Variants in MCF2L observed in about 807,000 individuals in gnomAD.
MCF2L encodes guanine nucleotide exchange factor DBS.
Under a neutral mutation model 153.4 loss-of-function variants are expected in MCF2L, and 97 were observed. The ratio of observed to expected loss-of-function variants is 0.63; its 90% CI spans 0.54 to 0.75. The LOEUF (loss-of-function observed/expected upper bound fraction) is 0.75, where lower values mean the gene tolerates loss of function less well. Ranked by LOEUF, MCF2L falls within the 30% of genes least tolerant of loss-of-function variation. The pLI is 0.00. For synonymous variants in MCF2L, 659 were observed against 632.2 expected (o/e 1.04, Z -0.64); for missense variants, 1,347 against 1,495.2 (o/e 0.90, Z 1.64).
intron 2 of MCF2L, among the ~76,000 whole-genome samples, chr13:113,021,559 C>T (rs181939475): frequency 4.6e-5 from 7 of 152,264 alleles, no homozygotes; most frequent in South Asian, 2.1e-4. Context: ...AGAGGAGCTT[C>T]GGAGCCCTCT....
At chr13:113,077,764 G>A (rs1365390646) in intron 13 of MCF2L, among the ~76,000 whole-genome samples, 3 of 152,108 alleles carry the variant, frequency 2.0e-5, no homozygotes, top group Non-Finnish European at 4.4e-5. Flanking sequence ...AGACTTTCCC[G>A]CCACCTCTGT....
chr13:113,045,125 C>T lies in MCF2L; in HGVS notation c.279-146C>T. On this transcript the variant is annotated intron_variant, in intron 3 of 29. Transcript: ENST00000535094. This position sits in a 1 kb window ranked among gnomAD's most constrained non-coding sequence, Gnocchi z 4.2. ...TGCGGGGATGGGGCTGCCGGGGCCC[C>T]CGTGTGCCATGCCTCTCACCTGGTA... 1 of 924,044 alleles carries T rather than the reference C, an allele frequency of 1.1e-6. No homozygotes were observed. Among genetic ancestry groups the T allele is most frequent in the Admixed American group, 2.0e-5 (1 of 50,774 alleles). The allele number at this position is 924,044 out of a possible 1,614,324, so 57.2% of individuals were successfully genotyped here. A position where few individuals can be genotyped will look rare whatever the true frequency, so the allele number is the denominator to read the frequency against.
At chr13:113,017,192 C>T (rs2084584348) in intron 2 of MCF2L, among the ~76,000 whole-genome samples, 1 of 152,258 alleles carries the variant, frequency 6.6e-6, no homozygotes, top group Non-Finnish European at 1.5e-5. Flanking sequence ...GCTGCGCCTG[C>T]ACTCCGGGTT....
chr13:112,996,608 C>T (rs1008641407), intron 1 of MCF2L, among the ~76,000 whole-genome samples: 4 of 152,230 alleles, frequency 2.6e-5, no homozygotes, highest in South Asian at 2.1e-4. Flanking sequence ...CTTTTCTCCA[C>T]GGCATCCTGC....
Position 113,089,713 on chromosome 13 carries a change from C to G in MCF2L, c.2938C>G (p.Pro980Ala). Residue 980 changes from proline (P) to alanine (A), a missense_variant, in exon 26 of 30, where the codon CCC becomes GCC. Around this residue, in one of 3 missense-constraint regions of MCF2L, gnomAD observed 383 missense variants for 335.4 expected, o/e 1.14. Coordinates refer to ENST00000535094, the MANE Select transcript of MCF2L (RefSeq NM_001112732.3). Reference protein sequence around the residue: ...YVSSAPLTKPPEKGKGWSKTS... With the variant: ...YVSSAPLTKPAEKGKGWSKTS... ...CAGCTCAGCGCCACTGACAAAGCCCCCCGAAAAGGGCAAAGGTGGGTATGT... is the reference window on the plus strand; with the variant it reads ...CAGCTCAGCGCCACTGACAAAGCCCGCCGAAAAGGGCAAAGGTGGGTATGT... The G allele has an allele frequency of 6.2e-7, 1 of 1,613,776 alleles. No individual in the cohort carries two copies. Among genetic ancestry groups the G allele is most frequent in the Non-Finnish European group, 8.5e-7 (1 of 1,179,978 alleles).
chr13:112,938,867 G>A (rs752559585), intron 2 of MCF2L, among the ~76,000 whole-genome samples: 1 of 152,004 alleles, frequency 6.6e-6, no homozygotes, highest in African/African-American at 2.4e-5. Flanking sequence ...GCCAGCGCAG[G>A]GGGTGGGAGG....
intron 15 of MCF2L, 33 bp downstream of exon 15, chr13:113,078,772 C>G: frequency 6.4e-7 from 1 of 1,561,760 alleles, no homozygotes; most frequent in East Asian, 2.3e-5. Flanking sequence ...CTCACAGGGG[C>G]CCTCCGACCG....
rs112170393 is a variant in MCF2L at position 113,078,633 on chromosome 13, G to A, written c.1735-33G>A. 2.0e-5 allele frequency: 32 copies of A among 1,597,616 alleles called. 1 individual carries two copies. In the African/African-American group the frequency reaches 2.9e-4, roughly 15 times the overall value. On this transcript the variant is annotated intron_variant, in intron 14 of 29. Coordinates refer to ENST00000535094, the MANE Select transcript of MCF2L (RefSeq NM_001112732.3). ...GAGTTGGCCCTTGAGGTTCCGTCCC[G>A]CCTTTCAGACCTGACGCTGTTTTTC...
At chr13:112,968,833 A>G, upstream of MCF2L, 1 of 1,252,122 alleles carries the variant, frequency 8.0e-7, no homozygotes, top group Non-Finnish European at 1.0e-6. Context: ...ACCGGGGGGA[A>G]GGGCGGGGGC....
At position 112,907,817 on chromosome 13, in the gene MCF2L, C is replaced by T. The variant is rs997788725; in HGVS notation, c.169+5446C>T. Among the ~76,000 whole-genome samples the T allele has an allele frequency of 2.6e-5, 4 of 152,148 alleles. No homozygotes were observed. The highest frequency in any genetic ancestry group is 7.2e-5 in the African/African-American group (3 of 41,422). On this transcript the variant is annotated intron_variant, in intron 2 of 29. Transcript: ENST00000375608. This position sits in a 1 kb window ranked among gnomAD's most constrained non-coding sequence, Gnocchi z 5.1. ...CTGAGAAAAGGCGATCTCAGCAGCA[C>T]GCCGTGTTAAAGAACAGCGCATGTT... is the stretch of plus-strand genomic sequence containing the variant.
At position 113,086,242 on chromosome 13, in the gene MCF2L, G is replaced by T. The variant is rs2034624545; in HGVS notation, c.2366G>T (p.Gly789Val). ...TCCATGCACCTCATCGCTATCACCGGCTATGACGTAAGGCGCCCAGATGCC... is the reference window on the plus strand; with the variant it reads ...TCCATGCACCTCATCGCTATCACCGTCTATGACGTAAGGCGCCCAGATGCC... The part of the protein sequence containing the change: ...NDSMHLIAIT[G>V]YDGNLGDLGK... Residue 789 changes from glycine to valine, a missense_variant, in exon 21 of 30, where the codon GGC becomes GTC. Transcript: ENST00000535094. The T allele has an allele frequency of 6.2e-7, 1 of 1,609,734 alleles. No homozygotes were observed. The highest frequency in any genetic ancestry group is 8.5e-7 in the Non-Finnish European group (1 of 1,178,382).
At chr13:113,095,069 G>C in intron 27 of MCF2L, 2 of 1,368,082 alleles carry the variant, frequency 1.5e-6, no homozygotes, top group South Asian at 1.1e-5. Context: ...TGCTGTCACT[G>C]AGCCTTCCTA....
At position 113,064,339 on chromosome 13, in the gene MCF2L, T is replaced by C; in HGVS notation, c.525T>C (p.Gly175=). Residue 175 remains glycine, a synonymous_variant, in exon 6 of 30, where the codon GGT becomes GGC. Coordinates refer to ENST00000535094, the MANE Select transcript of MCF2L (RefSeq NM_001112732.3). The surrounding 1 kb of genome is among the most constrained non-coding windows in gnomAD (Gnocchi z 6.0). ...IMLSSVPDLH[G]YIDKSQLTED... ...TGAGCTCCGTACCAGACTTACACGG[T>C]TACATCGATAAGTCGCAGCTGACCG... is the stretch of plus-strand genomic sequence containing the variant. 1 of 1,613,000 alleles carries C rather than the reference T, an allele frequency of 6.2e-7. No homozygotes were observed. Among genetic ancestry groups the C allele is most frequent in the Non-Finnish European group, 8.5e-7 (1 of 1,179,924 alleles).
At chr13:112,986,787 C>T (rs1369550079) in intron 1 of MCF2L, among the ~76,000 whole-genome samples, 1 of 152,242 alleles carries the variant, frequency 6.6e-6, no homozygotes, top group East Asian at 1.9e-4. Flanking sequence ...GCACTGCGCC[C>T]TCACTCCCCT....
At chr13:113,088,720 G>C in intron 25 of MCF2L, 92 bp downstream of exon 25, 1 of 1,324,692 alleles carries the variant, frequency 7.5e-7, no homozygotes. Context: ...CTGTCAGTGG[G>C]ACCCTGTGGT....
intron 2 of MCF2L, among the ~76,000 whole-genome samples, chr13:112,940,595 TC>T (rs1248568774): frequency 1.3e-5 from 2 of 152,362 alleles, no homozygotes; most frequent in South Asian, 2.1e-4. Flanking sequence ...CTTTGAAACC[TC>T]GTGTGCCAAC....
At chr13:113,094,427 C>T in intron 26 of MCF2L, 87 bp from the exon 27 acceptor site, 1 of 1,416,628 alleles carries the variant, frequency 7.1e-7, no homozygotes, top group Non-Finnish European at 9.5e-7. Flanking sequence ...TTCAGGGGGT[C>T]TGTGGGACTT....
chr13:113,032,999 A>ACG (rs2085827773), intron 3 of MCF2L, among the ~76,000 whole-genome samples: 1 of 141,614 alleles, frequency 7.1e-6, no homozygotes, highest in African/African-American at 2.8e-5. Flanking sequence ...GGCCCCCGTG[A>ACG]TGTGAGTGGC....
chr13:112,978,977 C>T (rs1399146955), intron 1 of MCF2L, among the ~76,000 whole-genome samples: 1 of 152,230 alleles, frequency 6.6e-6, no homozygotes, highest in Non-Finnish European at 1.5e-5. Flanking sequence ...GATGCTGTCA[C>T]CTCTCACCCC....
Sources: allele counts gnomAD v4.1 joint callset (sites outside exome capture counted in the v4.1 genomes callset), GRCh38; gene constraint gnomAD v4.1.1; regional missense constraint gnomAD v4.1.1; non-coding constraint Gnocchi (gnomAD v3.1); transcripts MANE v1.5; gene names NCBI Gene and HGNC (gene_info 2026-07-23, HGNC 2026-07-21).